AKAP13: variants seen among roughly 807,000 people sequenced by gnomAD.
The protein encoded by AKAP13 is A-kinase anchoring protein 13.
In AKAP13, 80 loss-of-function variants were observed where a neutral mutation model predicts 264.5. That is an observed-to-expected ratio of 0.30 (90% CI 0.25 to 0.36). The LOEUF (loss-of-function observed/expected upper bound fraction) is 0.36, where lower values mean the gene tolerates loss of function less well. AKAP13 is among the 10% of genes least tolerant of loss of function. The pLI, the probability that AKAP13 is intolerant of heterozygous loss-of-function variation, is 1.00. For missense variants in AKAP13, 3,712 were observed against 3,435.2 expected (o/e 1.08, Z -2.01); for synonymous variants, 1,380 against 1,250.2 (o/e 1.10, Z -2.19).
intron 1 of AKAP13, among the ~76,000 whole-genome samples, chr15:85,446,170 AC>A (rs2073891873): frequency 6.6e-6 from 1 of 152,132 alleles, no homozygotes; most frequent in Non-Finnish European, 1.5e-5. Context: ...GAAAGATTTG[AC>A]CAGAGAATTG....
chr15:85,672,453 G>A (rs533434828), intron 14 of AKAP13, among the ~76,000 whole-genome samples: 7 of 152,180 alleles, frequency 4.6e-5, no homozygotes, highest in Non-Finnish European at 8.8e-5. Context: ...AGTGTGTGTG[G>A]TATGCCTTAA....
chr15:85,521,304 TAC>T, intron 2 of AKAP13, 122 bp from the exon 3 acceptor site: 2 of 1,162,662 alleles, frequency 1.7e-6, no homozygotes, highest in Non-Finnish European at 2.5e-6. Context: ...TGTTTCAGCT[TAC>T]CAGAATGGGG....
chr15:85,634,294 T>A (rs780702833), intron 8 of AKAP13, among the ~76,000 whole-genome samples: 20 of 152,254 alleles, frequency 1.3e-4, no homozygotes, highest in Non-Finnish European at 2.8e-4. Flanking sequence ...AAACTGTTGA[T>A]CTTTGTCAGC....
chr15:85,394,230 C>G (rs112788887), intron 1 of AKAP13, among the ~76,000 whole-genome samples: 1 of 152,212 alleles, frequency 6.6e-6, no homozygotes, highest in Non-Finnish European at 1.5e-5. Context: ...CCATGAAGTT[C>G]TAAACATCTT....
intron 1 of AKAP13, among the ~76,000 whole-genome samples, chr15:85,422,742 A>G (rs1305683448): frequency 6.6e-6 from 1 of 152,182 alleles, no homozygotes; most frequent in Non-Finnish European, 1.5e-5. Flanking sequence ...TTGGCAGCAA[A>G]CCCATCTCAG....
At chr15:85,596,847 T>C (rs1392005117) in intron 8 of AKAP13, among the ~76,000 whole-genome samples, 1 of 152,194 alleles carries the variant, frequency 6.6e-6, no homozygotes, top group African/African-American at 2.4e-5. Context: ...TGTGTATGTG[T>C]ATGTTTCTTT....
At chr15:85,692,826 C>T (rs551844919) in intron 16 of AKAP13, among the ~76,000 whole-genome samples, 1 of 152,220 alleles carries the variant, frequency 6.6e-6, no homozygotes, top group East Asian at 1.9e-4. Flanking sequence ...TTTTTCATGC[C>T]ACCCAGGCAT....
chr15:85,661,330 G>A (rs1392243815), intron 12 of AKAP13, among the ~76,000 whole-genome samples: 1 of 152,160 alleles, frequency 6.6e-6, no homozygotes, highest in Non-Finnish European at 1.5e-5. Flanking sequence ...TAGATGATCA[G>A]ATGGATTTTT....
intron 5 of AKAP13, among the ~76,000 whole-genome samples, chr15:85,547,666 A>G (rs2077803121): frequency 6.6e-6 from 1 of 152,250 alleles, no homozygotes; most frequent in Non-Finnish European, 1.5e-5. Context: ...TTTAGATCTT[A>G]CATTATGAAT....
At chr15:85,734,907 C>T (rs1044411349) in intron 30 of AKAP13, 85 bp from the exon 31 acceptor site, 1 of 1,520,532 alleles carries the variant, frequency 6.6e-7, no homozygotes, top group Non-Finnish European at 8.8e-7. Context: ...AAGTCGTGCT[C>T]TTTGTACGTA....
chr15:85,655,372 T>G, intron 10 of AKAP13, 45 bp from the exon 11 acceptor site: 1 of 1,577,596 alleles, frequency 6.3e-7, no homozygotes, highest in Non-Finnish European at 8.6e-7. Context: ...GGCTATCTGA[T>G]TGGCCCTGCT....
At chr15:85,481,947 T>G (rs1174604977) in intron 1 of AKAP13, among the ~76,000 whole-genome samples, 1 of 152,252 alleles carries the variant, frequency 6.6e-6, no homozygotes, top group East Asian at 1.9e-4. Flanking sequence ...ATTTTCATTT[T>G]GGTAAAAAAA....
intron 8 of AKAP13, among the ~76,000 whole-genome samples, chr15:85,607,391 C>T (rs2080398892): frequency 6.6e-6 from 1 of 152,190 alleles, no homozygotes; most frequent in Non-Finnish European, 1.5e-5. Context: ...CCCTTGTAGG[C>T]TGACTTAAAT....
At position 85,710,631 on chromosome 15, in the gene AKAP13, T is replaced by C; in HGVS notation, c.5585T>C (p.Ile1862Thr). ...AHDTSSLPTVIMRNKPSQPKE... is the reference protein window; with the variant it reads ...AHDTSSLPTVTMRNKPSQPKE... The stretch of plus-strand genomic sequence containing the variant: ...GACACATCATCACTGCCCACGGTCA[T>C]TATGAGAAACAAGCGTAAGTAGCTC... Residue 1862 changes from isoleucine (I) to threonine (T), a missense_variant, in exon 19 of 37, where the codon ATT (isoleucine) becomes ACT (threonine). By Grantham distance (89) the Ile-to-Thr change is moderately conservative. Coordinates refer to ENST00000394518, the MANE Select transcript of AKAP13 (RefSeq NM_007200.5). The C allele has an allele frequency of 6.2e-7, 1 of 1,613,832 alleles. No individual in the cohort carries two copies. Among genetic ancestry groups the C allele is most frequent in the Non-Finnish European group, 8.5e-7 (1 of 1,179,874 alleles).
chr15:85,718,903 AAAAAAC>A lies in AKAP13; in HGVS notation c.6002-167_6002-162del. 3 of 921,002 alleles carry A rather than the reference AAAAAAC, an allele frequency of 3.3e-6. No homozygotes were observed. The highest frequency in any genetic ancestry group is 4.7e-6 in the Non-Finnish European group (3 of 638,164). The allele number at this position is 921,002 out of a possible 1,614,324, so 57.1% of individuals were successfully genotyped here. ...GACAGAGCCAGAACCTGTCTTAAAA[AAAAAAC>A]AAAAAAACAAAAAAACGAGAACACT... On this transcript the variant is annotated intron_variant, in intron 22 of 36. Coordinates refer to ENST00000394518, the MANE Select transcript of AKAP13 (RefSeq NM_007200.5). This position sits in a 1 kb window ranked among gnomAD's most constrained non-coding sequence, Gnocchi z 4.9.
chr15:85,694,680 G>A (rs915116836), intron 17 of AKAP13, among the ~76,000 whole-genome samples: 1 of 152,228 alleles, frequency 6.6e-6, no homozygotes, highest in Non-Finnish European at 1.5e-5. Flanking sequence ...ATCAAAAGTA[G>A]TATTTGTAGA....
At chr15:85,489,705 A>G (rs1253010955) in intron 2 of AKAP13, among the ~76,000 whole-genome samples, 1 of 152,228 alleles carries the variant, frequency 6.6e-6, no homozygotes, top group East Asian at 1.9e-4. Flanking sequence ...TCTGTCAGTT[A>G]AGACAAATAG....
intron 1 of AKAP13, among the ~76,000 whole-genome samples, chr15:85,393,630 A>G (rs1200182090): frequency 6.6e-6 from 1 of 152,226 alleles, no homozygotes; most frequent in African/African-American, 2.4e-5. Context: ...TGTTATCTAC[A>G]TTCTCTTAAT....
chr15:85,497,151 TG>T (rs2075893752), intron 2 of AKAP13, among the ~76,000 whole-genome samples: 1 of 152,200 alleles, frequency 6.6e-6, no homozygotes, highest in African/African-American at 2.4e-5. Context: ...AGAGGAGTCT[TG>T]CTGTCCAAGA....
Sources: allele counts gnomAD v4.1 joint callset (sites outside exome capture counted in the v4.1 genomes callset), GRCh38; gene constraint gnomAD v4.1.1; non-coding constraint Gnocchi (gnomAD v3.1); transcripts MANE v1.5; gene names NCBI Gene and HGNC (gene_info 2026-07-23, HGNC 2026-07-21).